The following ZDHHC14 variants were observed in gnomAD, a reference collection of about 807,000 sequenced individuals.
ZDHHC14 encodes palmitoyltransferase ZDHHC14.
In ZDHHC14, 16 loss-of-function variants were observed where a neutral mutation model predicts 47.7. The ratio of observed to expected loss-of-function variants is 0.34; its 90% CI spans 0.23 to 0.51. ZDHHC14 has a LOEUF of 0.51. Ranked by LOEUF, ZDHHC14 falls within the 20% of genes least tolerant of loss-of-function variation. The probability of loss-of-function intolerance (pLI) is 0.97; values close to 1 mark genes in which losing one functional copy is unlikely to be tolerated. For missense variants in ZDHHC14, 515 were observed against 662.5 expected, an observed-to-expected ratio of 0.78 and a Z score of 2.44; for synonymous variants, 293 against 278.9, an observed-to-expected ratio of 1.05 and a Z score of -0.50.
rs534290376 is a variant in ZDHHC14 at position 157,512,554 on chromosome 6, T to C, written c.246-30031T>C. Among the ~76,000 whole-genome samples the C allele has an allele frequency of 2.4e-4, 36 of 152,282 alleles. No homozygotes were observed. The South Asian group carries it at 4.8e-3, about 20-fold the overall frequency. On this transcript the variant is annotated intron_variant, in intron 1 of 8. Transcript: ENST00000359775. ...CAACAATAAATTGCTTATTTAGAAA[T>C]GGGCGAGGCCAGGTGCAGTGGCTCA...
At chr6:157,517,753 C>T (rs150926739) in intron 1 of ZDHHC14, among the ~76,000 whole-genome samples, 3 of 152,366 alleles carry the variant, frequency 2.0e-5, no homozygotes, top group East Asian at 1.9e-4. Context: ...TGCCCTGCCT[C>T]GCCCTCACGG....
intron 1 of ZDHHC14, among the ~76,000 whole-genome samples, chr6:157,445,998 C>T (rs9364501): frequency 0.46 from 69,974 of 152,006 alleles, 16,948 homozygotes; most frequent in East Asian, 0.72. Context: ...GTGTGGGGTG[C>T]ATGAGGGCCA....
intron 5 of ZDHHC14, among the ~76,000 whole-genome samples, chr6:157,642,673 T>C (rs747744890): frequency 1.3e-5 from 2 of 152,196 alleles, no homozygotes; most frequent in Non-Finnish European, 2.9e-5. Context: ...GCTTATGAAA[T>C]TGGCTTCCAG....
At chr6:157,511,687 C>T (rs529401552) in intron 1 of ZDHHC14, among the ~76,000 whole-genome samples, 11 of 152,142 alleles carry the variant, frequency 7.2e-5, no homozygotes, top group Admixed American at 7.2e-4. Flanking sequence ...AGCCACCGCG[C>T]CCGGCCCACA....
intron 1 of ZDHHC14, among the ~76,000 whole-genome samples, chr6:157,393,806 A>G (rs1777467889): frequency 6.6e-6 from 1 of 151,632 alleles, no homozygotes; most frequent in South Asian, 2.1e-4. Context: ...TGCATCTTGT[A>G]TCTCTTCTTT....
At chr6:157,640,888 G>T (rs1168338078) in intron 5 of ZDHHC14, among the ~76,000 whole-genome samples, 1 of 152,198 alleles carries the variant, frequency 6.6e-6, no homozygotes, top group East Asian at 1.9e-4. Flanking sequence ...CCTCCGTTCT[G>T]CTGTAGGAAC....
At chr6:157,578,830 C>T (rs1440442142) in intron 2 of ZDHHC14, among the ~76,000 whole-genome samples, 1 of 152,166 alleles carries the variant, frequency 6.6e-6, no homozygotes, top group African/African-American at 2.4e-5. Flanking sequence ...GAGGCTTTTC[C>T]AGTCATGTGG....
At chr6:157,389,880 G>A (rs1777386604) in intron 1 of ZDHHC14, among the ~76,000 whole-genome samples, 1 of 151,766 alleles carries the variant, frequency 6.6e-6, no homozygotes, top group African/African-American at 2.4e-5. Context: ...ATAAATTTAT[G>A]TAAAATAAAC....
At chr6:157,492,200 G>GCCCCAGC (rs1554261201) in intron 1 of ZDHHC14, among the ~76,000 whole-genome samples, 1 of 81,138 alleles carries the variant, frequency 1.2e-5, no homozygotes, top group Non-Finnish European at 2.5e-5. Context: ...TCCCCCCTCC[G>GCCCCAGC]CCCCCGCCCC....
Position 157,593,325 on chromosome 6 carries a change from ACCCTGCACCG to A in ZDHHC14, c.565+184_565+193del, listed in dbSNP as rs199802870. Among the ~76,000 whole-genome samples the A allele has an allele frequency of 7.6e-3, 1,155 of 151,962 alleles. 18 individuals are homozygous for A. Among genetic ancestry groups the A allele is most frequent in the African/African-American group, 0.026 (1,091 of 41,436 alleles). On this transcript the variant is annotated intron_variant, in intron 3 of 8. Coordinates refer to ENST00000359775, the MANE Select transcript of ZDHHC14 (RefSeq NM_024630.3). ...CAAATATCTTTTTTATTCTCTTTAC[ACCCTGCACCG>A]CCCTTGGCTGCGAGGGCCTCCCCCA...
At chr6:157,629,412 A>G (rs893153465) in intron 4 of ZDHHC14, 1 of 152,196 alleles carries the variant, frequency 6.6e-6, no homozygotes, top group African/African-American at 2.4e-5. Flanking sequence ...GTATCTGCAC[A>G]ACGGCTTCAC....
intron 1 of ZDHHC14, among the ~76,000 whole-genome samples, chr6:157,541,758 G>A (rs17445576): frequency 0.074 from 11,172 of 150,084 alleles, 503 homozygotes; most frequent in Non-Finnish European, 0.1. Flanking sequence ...CTGGATCTGA[G>A]ACCAAATGTC....
intron 1 of ZDHHC14, among the ~76,000 whole-genome samples, chr6:157,539,595 C>G (rs962252037): frequency 1.3e-5 from 2 of 152,000 alleles, no homozygotes; most frequent in African/African-American, 4.8e-5. Flanking sequence ...TGCAAGTGGG[C>G]CATGCACCTA....
chr6:157,401,029 G>A (rs1230891491), intron 1 of ZDHHC14, among the ~76,000 whole-genome samples: 1 of 152,208 alleles, frequency 6.6e-6, no homozygotes, highest in East Asian at 1.9e-4. Flanking sequence ...CCCTTGAGTG[G>A]AGGAGACAGC....
intron 1 of ZDHHC14, among the ~76,000 whole-genome samples, chr6:157,450,646 A>G (rs1778782701): frequency 6.6e-6 from 1 of 152,244 alleles, no homozygotes; most frequent in Non-Finnish European, 1.5e-5. Context: ...ACTTTAAAAA[A>G]TAAATAAAAA....
At chr6:157,591,715 A>G (rs1337078326) in intron 2 of ZDHHC14, among the ~76,000 whole-genome samples, 1 of 152,244 alleles carries the variant, frequency 6.6e-6, no homozygotes, top group Non-Finnish European at 1.5e-5. Flanking sequence ...ATTATTGCCC[A>G]GGATGAGTTG....
chr6:157,507,286 ATT>A (rs34582274), intron 1 of ZDHHC14, among the ~76,000 whole-genome samples: 185 of 135,018 alleles, frequency 1.4e-3, no homozygotes, highest in African/African-American at 2.7e-3. Context: ...TTCCTGACTC[ATT>A]TTTTTTTTTT....
intron 5 of ZDHHC14, among the ~76,000 whole-genome samples, chr6:157,634,413 G>A (rs539209992): frequency 2.3e-4 from 35 of 152,280 alleles, no homozygotes; most frequent in Non-Finnish European, 3.2e-4. Context: ...CAGGTCCAGC[G>A]AGAAATGTCC....
Position 157,647,362 on chromosome 6 carries a change from C to T in ZDHHC14, c.959C>T (p.Ser320Leu). ...TGTGTTGCCCTGTGTGGGCCCATCT[C>T]ACCAAGGTAAGACTCAGGACGCATC... ...NCCVALCGPI[S>L]PSLIDRRGYI... is the part of the protein sequence containing the mutation. The change falls in exon 7 of 9, where the codon TCA (serine) becomes TTA (leucine). Residue 320 changes from serine to leucine, a missense_variant. Coordinates refer to ENST00000359775, the MANE Select transcript of ZDHHC14 (RefSeq NM_024630.3). The T allele has an allele frequency of 6.2e-7, 1 of 1,612,714 alleles. No homozygotes were observed. Among genetic ancestry groups the T allele is most frequent in the Non-Finnish European group, 8.5e-7 (1 of 1,178,870 alleles).
Sources: gnomAD v4.1 joint callset for allele counts (sites outside exome capture counted in the v4.1 genomes callset) on GRCh38, gnomAD v4.1.1 for gene constraint, MANE v1.5 for transcripts, NCBI Gene and HGNC (gene_info 2026-07-23, HGNC 2026-07-21) for gene names.